CEP78: variants seen among roughly 807,000 people sequenced by gnomAD.
CEP78 encodes centrosomal protein of 78 kDa.
In CEP78, 76 loss-of-function variants were observed where a neutral mutation model predicts 81.2. The ratio of observed to expected loss-of-function variants is 0.94; its 90% CI spans 0.78 to 1.13. The LOEUF is 1.13. Among genes scored for constraint, CEP78 ranks in the 50% most tolerant of loss-of-function variants. The probability of loss-of-function intolerance (pLI) is 0.00; values close to 1 mark genes in which losing one functional copy is unlikely to be tolerated. For missense variants in CEP78, 918 were observed against 846.8 expected, an observed-to-expected ratio of 1.08 and a Z score of -1.04; for synonymous variants, 293 against 301.4, an observed-to-expected ratio of 0.97 and a Z score of 0.29.
chr9:78,264,961 G>A (rs376714419), intron 13 of CEP78, among the ~76,000 whole-genome samples: 18 of 152,164 alleles, frequency 1.2e-4, no homozygotes, highest in Non-Finnish European at 8.8e-5. Context: ...TTTTGTAGGT[G>A]AACGGTTTGG....
chr9:78,262,938 A>G lies in CEP78; in HGVS notation c.1412A>G (p.Lys471Arg), dbSNP rs578137318. 5 of 1,545,602 alleles carry G rather than the reference A, an allele frequency of 3.2e-6. No individual in the cohort carries two copies. The South Asian group carries it at 6.0e-5, about 19-fold the overall frequency. The change falls in exon 12 of 17, where the codon AAG (lysine) becomes AGG (arginine). Residue 471 changes from lysine (K) to arginine (R), a missense_variant. Physicochemically the swap from Lys to Arg is conservative, Grantham distance 26. Transcript: ENST00000643273. ...EKLEECLKQL[K>R]EERVIRLKVD... Reference sequence around the variant, plus strand: ...CTGGAGGAGTGCCTAAAGCAGTTAAAGGAAGAAAGAGTGATAAGGCTTAAG... The same window carrying G: ...CTGGAGGAGTGCCTAAAGCAGTTAAGGGAAGAAAGAGTGATAAGGCTTAAG...
intron 11 of CEP78, among the ~76,000 whole-genome samples, chr9:78,261,676 G>A (rs1209644635): frequency 2.0e-5 from 3 of 152,004 alleles, no homozygotes; most frequent in Admixed American, 6.5e-5. Context: ...TAGGAATGGA[G>A]GATTTTATTC....
chr9:78,251,797 G>A (rs749361018), intron 8 of CEP78, 111 bp from the exon 9 acceptor site: 18 of 765,686 alleles, frequency 2.4e-5, no homozygotes, highest in Non-Finnish European at 3.3e-5. Context: ...AATGGACTTG[G>A]TGTCATTGTC....
intron 6 of CEP78, among the ~76,000 whole-genome samples, 165 bp from the exon 7 acceptor site, chr9:78,248,126 A>G (rs778707556): frequency 1.1e-4 from 17 of 152,222 alleles, no homozygotes; most frequent in Non-Finnish European, 2.2e-4. Context: ...TTTTTGAGGA[A>G]GAAGTTAGAA....
chr9:78,240,058 C>T lies in CEP78; in HGVS notation c.289C>T (p.Pro97Ser). 2 of 1,582,884 alleles carry T rather than the reference C, an allele frequency of 1.3e-6. No homozygotes were observed. The highest frequency in any genetic ancestry group is 8.5e-7 in the Non-Finnish European group (1 of 1,172,540). ...DMNKFCRSRV[P>S]AIRYKDVTFQ... ...GAATAAATTTTGCAGAAGTCGTGTT[C>T]CTGCGATAAGATACAAAGATGTGAC... The change falls in exon 2 of 17, where the codon CCT (proline) becomes TCT (serine). Residue 97 changes from proline (P) to serine (S), a missense_variant. Pro to Ser is a moderately conservative substitution (Grantham distance 74, BLOSUM62 -1). Coordinates refer to ENST00000643273, the MANE Select transcript of CEP78 (RefSeq NM_001330691.3).
At position 78,272,705 on chromosome 9, in the gene CEP78, C is replaced by G. The variant is rs1294710665; in HGVS notation, c.*1854C>G. Reference sequence around the variant, plus strand: ...ATTAACAGCTCCCAAATTTTAATTACTTTCAACAACATAGGTTTATTTGTG... The same window carrying G: ...ATTAACAGCTCCCAAATTTTAATTAGTTTCAACAACATAGGTTTATTTGTG... On this transcript the variant is annotated 3_prime_UTR_variant, in exon 17 of 17. Coordinates refer to ENST00000643273, the MANE Select transcript of CEP78 (RefSeq NM_001330691.3). 1 of 152,198 alleles carries G rather than the reference C, an allele frequency of 6.6e-6. No homozygotes were observed. Among genetic ancestry groups the G allele is most frequent in the Non-Finnish European group, 1.5e-5 (1 of 68,032 alleles). 9.4% of individuals were successfully genotyped at this position (152,198 alleles called of 1,614,324 possible).
chr9:78,258,102 G>T (rs376679468), intron 11 of CEP78, among the ~76,000 whole-genome samples: 15 of 152,312 alleles, frequency 9.8e-5, no homozygotes, highest in African/African-American at 3.4e-4. Context: ...GATTTAGCAC[G>T]TATTGGACAC....
intron 16 of CEP78, chr9:78,267,125 T>G: frequency 3.3e-5 from 31 of 941,190 alleles, no homozygotes; most frequent in Non-Finnish European, 4.2e-5. Flanking sequence ...AAGATTTCTC[T>G]ATACTTTTTA....
Position 78,274,293 on chromosome 9 carries a change from C to T in CEP78, c.*3442C>T, listed in dbSNP as rs1827758335. On this transcript the variant is annotated 3_prime_UTR_variant, in exon 17 of 17. Coordinates refer to ENST00000643273, the MANE Select transcript of CEP78 (RefSeq NM_001330691.3). Reference sequence around the variant, plus strand: ...AAAAGACAAAACTATAGTGACAGAACAGATTGGAGATTGCCAGGTGTTGGG... The same window carrying T: ...AAAAGACAAAACTATAGTGACAGAATAGATTGGAGATTGCCAGGTGTTGGG... 6.6e-6 allele frequency: 1 copy of T among 152,082 alleles called. No individual in the cohort carries two copies. Among genetic ancestry groups the T allele is most frequent in the Non-Finnish European group, 1.5e-5 (1 of 68,030 alleles). 9.4% of individuals were successfully genotyped at this position (152,082 alleles called of 1,614,324 possible).
chr9:78,258,263 T>G (rs1162916275), intron 11 of CEP78, among the ~76,000 whole-genome samples: 1 of 152,198 alleles, frequency 6.6e-6, no homozygotes, highest in Non-Finnish European at 1.5e-5. Context: ...GATTTGAGCT[T>G]AAGCTTTCTG....
intron 6 of CEP78, among the ~76,000 whole-genome samples, chr9:78,247,519 A>G (rs953542492): frequency 6.6e-6 from 1 of 152,240 alleles, no homozygotes; most frequent in Non-Finnish European, 1.5e-5. Context: ...AAGTCAGACA[A>G]CTAGCCAGGG....
Position 78,246,676 on chromosome 9 carries a change from C to T in CEP78, c.786C>T (p.Asp262=). ...LSEDLWLRAL[D]LQQCGLTNEG... is the part of the protein sequence containing the mutation. The stretch of plus-strand genomic sequence containing the variant: ...TTTGTCTTTCATCGAAAGCTCTTGA[C>T]CTGCAACAGTGCGGCCTCACCAATG... Residue 262 remains aspartate, a synonymous_variant, in exon 6 of 17, where the codon GAC becomes GAT. Transcript: ENST00000643273. 5.6e-6 allele frequency: 9 copies of T among 1,596,542 alleles called. No individual in the cohort carries two copies. The highest frequency in any genetic ancestry group is 7.7e-6 in the Non-Finnish European group (9 of 1,172,042).
rs1423859298 is a variant in CEP78 at position 78,248,338 on chromosome 9, A to G, written c.940A>G (p.Arg314Gly). The change falls in exon 7 of 17, where the codon AGG becomes GGG. Residue 314 changes from arginine (R) to glycine (G), a missense_variant. Arg to Gly is a moderately radical substitution (Grantham distance 125). Transcript: ENST00000643273. ...AVIKKVLQNG[R>G]SAKSEYQWIT... ...TATCAAAAAAGTCCTCCAGAATGGA[A>G]GGAGTGCCAAATCAGAGGTATATCA... The G allele has an allele frequency of 1.8e-5, 28 of 1,577,634 alleles. No homozygotes were observed. The highest frequency in any genetic ancestry group is 6.7e-5 in the Admixed American group (4 of 59,928).
At chr9:78,268,936 G>A (rs1421062796) in intron 16 of CEP78, among the ~76,000 whole-genome samples, 5 of 152,084 alleles carry the variant, frequency 3.3e-5, no homozygotes, top group African/African-American at 4.8e-5. Flanking sequence ...GATTACAGGC[G>A]TGAGCTACCA....
rs774692436 is a variant in CEP78 at position 78,236,498 on chromosome 9, C to T, written c.148C>T (p.Leu50Phe). ...EGVLDFNADR[L>F]RGVDWAPLLS... is the part of the protein sequence containing the mutation. ...CGTGCTGGATTTCAACGCCGACCGC[C>T]TCCGCGGGGTGGACTGGGCGCCTCT... Residue 50 changes from leucine to phenylalanine, a missense_variant, in exon 1 of 17, where the codon CTC becomes TTC. Leu to Phe is a conservative substitution (Grantham distance 22, BLOSUM62 0). Transcript: ENST00000643273. The T allele has an allele frequency of 7.0e-5, 113 of 1,607,038 alleles. No homozygotes were observed. Among genetic ancestry groups the T allele is most frequent in the Non-Finnish European group, 9.1e-5 (107 of 1,176,862 alleles).
At position 78,277,219 on chromosome 9, in the gene CEP78, T is replaced by G. The variant is rs1329390393; in HGVS notation, c.*6368T>G. On this transcript the variant is annotated 3_prime_UTR_variant, in exon 17 of 17. Transcript: ENST00000643273. Reference sequence around the variant, plus strand: ...ACTAGAAGAAAATACTGGAAAAAAATTGTAATAAATGTGTAAGAAAGGCAT... The same window carrying G: ...ACTAGAAGAAAATACTGGAAAAAAAGTGTAATAAATGTGTAAGAAAGGCAT... 6.6e-6 allele frequency: 1 copy of G among 151,420 alleles called. No homozygotes were observed. The highest frequency in any genetic ancestry group is 1.5e-5 in the Non-Finnish European group (1 of 67,838). The allele number at this position is 151,420 out of a possible 1,614,324, so 9.4% of individuals were successfully genotyped here.
chr9:78,268,650 C>T (rs1327338391), intron 16 of CEP78, among the ~76,000 whole-genome samples: 3 of 151,284 alleles, frequency 2.0e-5, no homozygotes, highest in Non-Finnish European at 4.4e-5. Flanking sequence ...AGGAGACCCT[C>T]GCATAAATAG....
chr9:78,245,016 C>T (rs1826413409), intron 5 of CEP78, among the ~76,000 whole-genome samples: 2 of 152,046 alleles, frequency 1.3e-5, no homozygotes, highest in African/African-American at 4.8e-5. Flanking sequence ...GTGAGATTTA[C>T]TGGCTATTTT....
intron 4 of CEP78, among the ~76,000 whole-genome samples, chr9:78,242,238 A>G (rs1416365245): frequency 6.6e-6 from 1 of 152,186 alleles, no homozygotes; most frequent in Non-Finnish European, 1.5e-5. Flanking sequence ...AAACATAGTC[A>G]TGCCCATTTG....
Sources: gnomAD v4.1 joint callset for allele counts (sites outside exome capture counted in the v4.1 genomes callset) on GRCh38, gnomAD v4.1.1 for gene constraint, MANE v1.5 for transcripts, NCBI Gene and HGNC (gene_info 2026-07-23, HGNC 2026-07-21) for gene names.